The following ASIC2 variants were observed in gnomAD, a reference collection of about 807,000 sequenced individuals.
ASIC2 encodes the protein acid sensing ion channel subunit 2.
In ASIC2, 25 loss-of-function variants were observed where a neutral mutation model predicts 57.3. That is an observed-to-expected ratio of 0.44 (90% CI 0.32 to 0.61). The LOEUF is 0.61. Among genes scored for constraint, ASIC2 ranks in the 20% least tolerant of loss-of-function variants. ASIC2 has a pLI of 0.06. For synonymous variants in ASIC2, 319 were observed against 307.5 expected (o/e 1.04, Z -0.39); for missense variants, 641 against 738.1 (o/e 0.87, Z 1.52).
chr17:33,036,914 G>A (rs745852560), intron 3 of ASIC2, among the ~76,000 whole-genome samples: 1 of 152,110 alleles, frequency 6.6e-6, no homozygotes, highest in African/African-American at 2.4e-5. Context: ...ACACCACCAA[G>A]TCCCATTCAA....
chr17:34,114,402 G>T (rs909704959), intron 1 of ASIC2, among the ~76,000 whole-genome samples: 1 of 152,106 alleles, frequency 6.6e-6, no homozygotes, highest in African/African-American at 2.4e-5. Context: ...CTGTGAGGGT[G>T]AGAGAGAGAG....
chr17:33,761,132 T>C (rs974341880), intron 1 of ASIC2, among the ~76,000 whole-genome samples: 2 of 152,184 alleles, frequency 1.3e-5, no homozygotes, highest in African/African-American at 4.8e-5. Flanking sequence ...TTTCTTTTTC[T>C]TTCTCCCTTT....
chr17:33,160,728 A>G (rs1241761824), intron 1 of ASIC2, among the ~76,000 whole-genome samples: 1 of 151,900 alleles, frequency 6.6e-6, no homozygotes, highest in Non-Finnish European at 1.5e-5. Flanking sequence ...GATGGCTGGG[A>G]TGGGGTTTGG....
chr17:34,015,753 A>T (rs1281040892), intron 1 of ASIC2, among the ~76,000 whole-genome samples: 1 of 152,270 alleles, frequency 6.6e-6, no homozygotes, highest in East Asian at 1.9e-4. Flanking sequence ...GGACTTTGCC[A>T]ACTCCTTTGG....
chr17:33,917,160 T>A (rs562084931), intron 1 of ASIC2, among the ~76,000 whole-genome samples: 1 of 152,300 alleles, frequency 6.6e-6, no homozygotes, highest in Admixed American at 6.5e-5. Context: ...ATGTTGGTAT[T>A]TTCCAAAGTT....
intron 1 of ASIC2, among the ~76,000 whole-genome samples, chr17:33,452,449 T>G (rs1333295597): frequency 6.6e-6 from 1 of 152,186 alleles, no homozygotes; most frequent in African/African-American, 2.4e-5. Context: ...TCCCCTAAAA[T>G]TTGACCTGCT....
intron 1 of ASIC2, among the ~76,000 whole-genome samples, chr17:33,445,479 G>A (rs1567615405): frequency 6.6e-6 from 1 of 151,212 alleles, no homozygotes; most frequent in South Asian, 2.1e-4. Context: ...GAAGATATGG[G>A]AACAAGACTG....
chr17:33,058,481 A>G (rs1051226048), intron 3 of ASIC2, among the ~76,000 whole-genome samples: 3 of 151,774 alleles, frequency 2.0e-5, no homozygotes, highest in Admixed American at 1.3e-4. Flanking sequence ...AAAAAAAAAA[A>G]AAAAAAAAAA....
chr17:33,160,443 A>T (rs887352176), intron 1 of ASIC2, among the ~76,000 whole-genome samples: 2 of 152,022 alleles, frequency 1.3e-5, no homozygotes, highest in Non-Finnish European at 2.9e-5. Flanking sequence ...TTCAGGGCTA[A>T]CCTCAGTGTC....
intron 8 of ASIC2, 61 bp from the exon 9 acceptor site, chr17:33,016,100 C>T: frequency 6.4e-7 from 1 of 1,555,222 alleles, no homozygotes; most frequent in East Asian, 2.2e-5. Flanking sequence ...GCAGAAGGGA[C>T]CTCCCTCCAT....
intron 1 of ASIC2, among the ~76,000 whole-genome samples, chr17:33,629,757 G>T (rs1906101394): frequency 1.3e-5 from 2 of 152,166 alleles, no homozygotes; most frequent in Admixed American, 1.3e-4. Context: ...GCAGCCCTGG[G>T]CAAACTTCCA....
rs2092259889 is a variant in ASIC2, at chr17:33,111,948, C to T, written c.828G>A (p.Gln276=). ...CTCCCCAGATGGGCAGGTACTCATC[C>T]TGCTGAATGTCCAGCATGATCTCCA... The part of the protein sequence containing the change: ...NGLEIMLDIQ[Q]DEYLPIWGET... Residue 276 remains glutamine, a synonymous_variant, in exon 2 of 10, where the codon CAG becomes CAA. Coordinates refer to ENST00000225823, the MANE Select transcript of ASIC2 (RefSeq NM_183377.2). 2 of 1,613,882 alleles carry T rather than the reference C, an allele frequency of 1.2e-6. No individual in the cohort carries two copies. The highest frequency in any genetic ancestry group is 1.7e-6 in the Non-Finnish European group (2 of 1,179,878).
chr17:34,088,836 G>A (rs914178327), intron 1 of ASIC2, among the ~76,000 whole-genome samples: 17 of 152,350 alleles, frequency 1.1e-4, no homozygotes, highest in South Asian at 4.1e-4. Context: ...AGGACCCTCC[G>A]AGCCACGTGC....
intron 1 of ASIC2, among the ~76,000 whole-genome samples, chr17:33,952,505 A>G (rs968986419): frequency 3.9e-5 from 6 of 152,218 alleles, no homozygotes; most frequent in African/African-American, 1.4e-4. Context: ...ATTTATTATG[A>G]TGTCTATTCA....
intron 1 of ASIC2, among the ~76,000 whole-genome samples, chr17:33,779,886 A>G (rs1257350385): frequency 6.6e-6 from 1 of 150,894 alleles, no homozygotes; most frequent in Non-Finnish European, 1.5e-5. Context: ...ATTGAAATCT[A>G]GAGAGTGAGT....
At chr17:33,301,015 T>C (rs1297896660) in intron 1 of ASIC2, among the ~76,000 whole-genome samples, 1 of 105,506 alleles carries the variant, frequency 9.5e-6, no homozygotes, top group Non-Finnish European at 1.9e-5. Context: ...TATTCATTTA[T>C]TTATTTATTT....
At chr17:33,358,526 GT>G (rs1908475722) in intron 1 of ASIC2, among the ~76,000 whole-genome samples, 1 of 152,198 alleles carries the variant, frequency 6.6e-6, no homozygotes, top group Admixed American at 6.5e-5. Flanking sequence ...TGCTCTCAAA[GT>G]GCTGGGCATT....
rs889562992 is a variant in ASIC2, at chr17:34,132,080, G to C, written c.555+23898C>G. ...ACAGGAGGATCATAATGCCTCTGCA[G>C]GGGACACAAGAATGTAAAGCCTGGC... On this transcript the variant is annotated intron_variant, in intron 1 of 9. Coordinates refer to the ASIC2 transcript ENST00000359872. Among the ~76,000 whole-genome samples, 5 of 152,298 alleles carry C rather than the reference G, an allele frequency of 3.3e-5. 1 individual carries two copies. The East Asian group carries it at 9.6e-4, about 29-fold the overall frequency.
chr17:33,363,577 C>T lies in ASIC2; in HGVS notation c.556-251510G>A, dbSNP rs1037517079. On this transcript the variant is annotated intron_variant, in intron 1 of 9. Coordinates refer to the ASIC2 transcript ENST00000359872. ...GGGTCAGAAACCTAGCCCTGCGTTC[C>T]GAGCTGCATGGCCTCTGCCACTGAA... Among the ~76,000 whole-genome samples, 7 of 152,216 alleles carry T rather than the reference C, an allele frequency of 4.6e-5. No homozygotes were observed. The East Asian group carries it at 5.8e-4, about 13-fold the overall frequency.
Sources: gnomAD v4.1 joint callset for allele counts (sites outside exome capture counted in the v4.1 genomes callset) on GRCh38, gnomAD v4.1.1 for gene constraint, MANE v1.5 for transcripts, NCBI Gene and HGNC (gene_info 2026-07-23, HGNC 2026-07-21) for gene names.